VDAC3: variants seen among roughly 807,000 people sequenced by gnomAD.
VDAC3 encodes the protein voltage dependent anion channel 3, also known as non-selective voltage-gated ion channel VDAC3.
Under a neutral mutation model 33.9 loss-of-function variants are expected in VDAC3, and 7 were observed. The ratio of observed to expected loss-of-function variants is 0.21; its 90% CI spans 0.12 to 0.39. The LOEUF (loss-of-function observed/expected upper bound fraction) is 0.39, where lower values mean the gene tolerates loss of function less well. Ranked by LOEUF, VDAC3 falls within the 10% of genes least tolerant of loss-of-function variation. VDAC3 has a pLI of 1.00. For synonymous variants in VDAC3, 100 were observed against 122.4 expected, an observed-to-expected ratio of 0.82 and a Z score of 1.21; for missense variants, 261 against 334.5, an observed-to-expected ratio of 0.78 and a Z score of 1.71.
At chr8:42,395,231 T>C (rs1403162690) in intron 4 of VDAC3, 98 bp downstream of exon 4, 2 of 1,537,824 alleles carry the variant, frequency 1.3e-6, no homozygotes, top group Non-Finnish European at 8.8e-7. Flanking sequence ...AGCACCATGC[T>C]GTCTTCCCCA....
chr8:42,402,642 G>A (rs1802435203), intron 7 of VDAC3, among the ~76,000 whole-genome samples: 1 of 152,132 alleles, frequency 6.6e-6, no homozygotes, highest in South Asian at 2.1e-4. Flanking sequence ...AAAGCAAAGG[G>A]CAAACTATGT....
Position 42,403,306 on chromosome 8 carries a change from A to G in VDAC3, c.552-5A>G. ...TTTATGACGTTTTCTTATCTATGAA[A>G]ACAGGAACGATGGCACTGAATTTGG... On this transcript the variant is annotated splice_polypyrimidine_tract_variant and splice_region_variant and intron_variant, in intron 7 of 9. Transcript: ENST00000022615. 1 of 1,614,016 alleles carries G rather than the reference A, an allele frequency of 6.2e-7. No individual in the cohort carries two copies. The highest frequency in any genetic ancestry group is 8.5e-7 in the Non-Finnish European group (1 of 1,180,008).
At chr8:42,398,170 T>C (rs1253742336) in intron 4 of VDAC3, among the ~76,000 whole-genome samples, 1 of 152,230 alleles carries the variant, frequency 6.6e-6, no homozygotes, top group East Asian at 1.9e-4. Flanking sequence ...TAAAGATACT[T>C]CTTTTTTAAA....
intron 6 of VDAC3, among the ~76,000 whole-genome samples, chr8:42,400,673 C>CTTTTTTTTTT (rs1188886241): frequency 5.5e-5 from 4 of 72,310 alleles, no homozygotes; most frequent in Non-Finnish European, 7.5e-5. Context: ...ATATTCTTTT[C>CTTTTTTTTTT]TTTTTTTTTT....
chr8:42,399,210 G>C (rs1471284315), intron 5 of VDAC3, among the ~76,000 whole-genome samples: 1 of 152,122 alleles, frequency 6.6e-6, no homozygotes, highest in Non-Finnish European at 1.5e-5. Flanking sequence ...TTTTCAAGGA[G>C]AAAATCTATT....
Position 42,393,329 on chromosome 8 carries a change from T to C in VDAC3, c.-42-516T>C, listed in dbSNP as rs1824903893. On this transcript the variant is annotated intron_variant, in intron 1 of 9. Transcript: ENST00000022615. ...AGGGCTAGCTGGTACTCTGGATTTT[T>C]CTGACATATGGGCTAATGGCACTGC... Among the ~76,000 whole-genome samples the C allele has an allele frequency of 5.3e-5, 8 of 152,316 alleles. No homozygotes were observed. The South Asian group carries it at 1.5e-3, about 28-fold the overall frequency.
chr8:42,402,062 A>G (rs774568508), intron 7 of VDAC3, 47 bp downstream of exon 7: 4 of 1,567,180 alleles, frequency 2.6e-6, no homozygotes, highest in Admixed American at 3.5e-5. Flanking sequence ...GTTGCCCAAA[A>G]TATTGTAGCC....
intron 6 of VDAC3, among the ~76,000 whole-genome samples, chr8:42,401,232 C>T (rs1802410349): frequency 1.3e-5 from 2 of 152,070 alleles, no homozygotes; most frequent in East Asian, 1.9e-4. Flanking sequence ...GAGTCTCGCT[C>T]TGTCGCCAGG....
chr8:42,401,821 A>T lies in VDAC3; in HGVS notation c.357A>T (p.Lys119Asn), dbSNP rs763468220. Reference protein sequence around the residue: ...KKSGKLKASYKRDCFSVGSNV... With the variant: ...KKSGKLKASYNRDCFSVGSNV... ...GTGGGAAATTGAAGGCCTCCTATAA[A>T]CGGGATTGTTTTAGTGTTGGCAGTA... Residue 119 changes from lysine (K) to asparagine (N), a missense_variant, in exon 7 of 10, where the codon AAA becomes AAT. Transcript: ENST00000022615. 14 of 1,614,138 alleles carry T rather than the reference A, an allele frequency of 8.7e-6. No homozygotes were observed. In the South Asian group the frequency reaches 1.5e-4, roughly 18 times the overall value.
intron 5 of VDAC3, 72 bp from the exon 6 acceptor site, chr8:42,399,579 T>C (rs180757554): frequency 1.6e-4 from 229 of 1,401,016 alleles, no homozygotes; most frequent in Middle Eastern, 2.1e-4. Context: ...CAGGAAACTT[T>C]AGAATTGGTT....
rs1180813155 is a variant in VDAC3 at position 42,395,103 on chromosome 8, A to G, written c.87A>G (p.Ile29Met). The change falls in exon 4 of 10, where the codon ATA becomes ATG. Residue 29 changes from isoleucine (I) to methionine (M), a missense_variant. By Grantham distance (10) the Ile-to-Met change is conservative. Coordinates refer to ENST00000022615, the MANE Select transcript of VDAC3 (RefSeq NM_005662.7). ...NKGYGFGMVK[I>M]DLKTKSCSGV... ...GTATAGGCTTTGGCATGGTCAAGATAGACCTGAAAACCAAGTCTTGTAGTG... is the reference window on the plus strand; with the variant it reads ...GTATAGGCTTTGGCATGGTCAAGATGGACCTGAAAACCAAGTCTTGTAGTG... The G allele has an allele frequency of 6.2e-7, 1 of 1,614,006 alleles. No individual in the cohort carries two copies. Among genetic ancestry groups the G allele is most frequent in the East Asian group, 2.2e-5 (1 of 44,846 alleles).
In VDAC3 at chr8:42,395,804, A is replaced by G. The variant is rs577136807; in HGVS notation, c.117+671A>G. 6.0e-5 allele frequency among the ~76,000 whole-genome samples: 9 copies of G among 151,192 alleles called. No individual in the cohort carries two copies. In the South Asian group the frequency reaches 1.7e-3, roughly 28 times the overall value. Reference sequence around the variant, plus strand: ...GAAACCCCGTCTCTACTAAAAATATACCAAAAATTAGCTGGGTGTGGTGGC... The same window carrying G: ...GAAACCCCGTCTCTACTAAAAATATGCCAAAAATTAGCTGGGTGTGGTGGC... On this transcript the variant is annotated intron_variant, in intron 4 of 9. Transcript: ENST00000022615.
At position 42,398,803 on chromosome 8, in the gene VDAC3, C is replaced by G. The variant is rs141938008; in HGVS notation, c.209C>G (p.Thr70Ser). 843 of 1,613,950 alleles carry G rather than the reference C, an allele frequency of 5.2e-4. 6 individuals carry two copies. The South Asian group carries it at 6.1e-3, about 12-fold the overall frequency. ...TATAAGGTCTGTAACTATGGACTTA[C>G]CTTCACCCAGAAATGGAACACAGAC... is the stretch of plus-strand genomic sequence containing the variant. ...TKYKVCNYGLTFTQKWNTDNT... is the reference protein window; with the variant it reads ...TKYKVCNYGLSFTQKWNTDNT... Residue 70 changes from threonine to serine, a missense_variant, in exon 5 of 10, where the codon ACC becomes AGC. By Grantham distance (58) the Thr-to-Ser change is moderately conservative (BLOSUM62 1). Coordinates refer to ENST00000022615, the MANE Select transcript of VDAC3 (RefSeq NM_005662.7).
rs1802473256 is a variant in VDAC3 at position 42,404,910 on chromosome 8, A to G, written c.746A>G (p.Gln249Arg). ...NASLIGLGYT[Q>R]TLRPGVKLTL... is the part of the protein sequence containing the mutation. ...AGCCTGATTGGACTGGGTTATACTCAGACCCTTCGACCAGGTAAGTAAAGG... is the reference window on the plus strand; with the variant it reads ...AGCCTGATTGGACTGGGTTATACTCGGACCCTTCGACCAGGTAAGTAAAGG... Residue 249 changes from glutamine (Q) to arginine (R), a missense_variant, in exon 9 of 10, where the codon CAG (glutamine) becomes CGG (arginine). Transcript: ENST00000022615. 6.2e-7 allele frequency: 1 copy of G among 1,613,568 alleles called. No homozygotes were observed. Among genetic ancestry groups the G allele is most frequent in the Admixed American group, 1.7e-5 (1 of 59,974 alleles).
rs748377450 is a variant in VDAC3, at chr8:42,405,405, G to A, written c.795G>A (p.Gly265=). The part of the protein sequence containing the change: ...VKLTLSALID[G]KNFSAGGHKV... ...TGACTTTATCAGCTTTAATCGATGG[G>A]AAGAACTTCAGTGCAGGAGGTCACA... Residue 265 remains glycine, a synonymous_variant, in exon 10 of 10, where the codon GGG becomes GGA. Coordinates refer to ENST00000022615, the MANE Select transcript of VDAC3 (RefSeq NM_005662.7). 6.2e-7 allele frequency: 1 copy of A among 1,612,908 alleles called. No homozygotes were observed. The highest frequency in any genetic ancestry group is 8.5e-7 in the Non-Finnish European group (1 of 1,179,994).
rs1332914146 is a variant in VDAC3, at chr8:42,396,772, A to G, written c.117+1639A>G. On this transcript the variant is annotated intron_variant, in intron 4 of 9. Coordinates refer to ENST00000022615, the MANE Select transcript of VDAC3 (RefSeq NM_005662.7). ...GGATAAATTTCAATCATTGTTCCAA[A>G]TTTCTTAGATTGTGTCTTGATATTT... 2.2e-5 allele frequency: 14 copies of G among 649,642 alleles called. No homozygotes were observed. The East Asian group carries it at 3.8e-4, about 18-fold the overall frequency. The allele number at this position is 649,642 out of a possible 1,614,324, so 40.2% of individuals were successfully genotyped here.
At chr8:42,399,363 A>G (rs913096292) in intron 5 of VDAC3, among the ~76,000 whole-genome samples, 12 of 152,174 alleles carry the variant, frequency 7.9e-5, no homozygotes, top group Non-Finnish European at 1.6e-4. Flanking sequence ...CTTTCAAGAG[A>G]GTATCAAGAT....
At chr8:42,399,455 G>A (rs1051393302) in intron 5 of VDAC3, 196 bp from the exon 6 acceptor site, 67 of 443,008 alleles carry the variant, frequency 1.5e-4, no homozygotes, top group Non-Finnish European at 1.7e-5. Context: ...CCATTTTTTA[G>A]TGGGAGAACC....
At chr8:42,405,232 C>A (rs1051596916) in intron 9 of VDAC3, 139 bp from the exon 10 acceptor site, 3 of 691,276 alleles carry the variant, frequency 4.3e-6, no homozygotes, top group East Asian at 2.7e-5. Context: ...TATAAATAAC[C>A]GATTGAGTAA....
Sources: gnomAD v4.1 joint callset for allele counts (sites outside exome capture counted in the v4.1 genomes callset) on GRCh38, gnomAD v4.1.1 for gene constraint, MANE v1.5 for transcripts, NCBI Gene and HGNC (gene_info 2026-07-23, HGNC 2026-07-21) for gene names.